The following CSMD1 variants were observed in gnomAD, a reference collection of about 807,000 sequenced individuals.
CSMD1 encodes the protein CUB and Sushi multiple domains 1, also known as CUB and sushi domain-containing protein 1.
In CSMD1, 213 loss-of-function variants were observed where a neutral mutation model predicts 417.5. That is an observed-to-expected ratio of 0.51 (90% CI 0.46 to 0.57). The LOEUF (loss-of-function observed/expected upper bound fraction) is 0.57, where lower values mean the gene tolerates loss of function less well. CSMD1 is among the 20% of genes least tolerant of loss of function. The probability of loss-of-function intolerance (pLI) is 0.00; values close to 1 mark genes in which losing one functional copy is unlikely to be tolerated. For missense variants in CSMD1, 6,923 were observed against 4,529.7 expected (o/e 1.53, Z -15.17); for synonymous variants, 2,862 against 1,736.8 (o/e 1.65, Z -16.11).
At chr8:3,629,824 G>A (rs557615053) in intron 7 of CSMD1, among the ~76,000 whole-genome samples, 18 of 152,274 alleles carry the variant, frequency 1.2e-4, no homozygotes, top group African/African-American at 2.4e-4. Flanking sequence ...ACTTCGGTCC[G>A]TCAGAAACAC....
At chr8:4,522,272 T>A (rs1394375405) in intron 2 of CSMD1, among the ~76,000 whole-genome samples, 1 of 152,178 alleles carries the variant, frequency 6.6e-6, no homozygotes, top group Non-Finnish European at 1.5e-5. Context: ...CGTGACTTGC[T>A]CCTCCTTGCC....
chr8:3,884,765 A>G (rs995463156), intron 5 of CSMD1, among the ~76,000 whole-genome samples: 2 of 152,036 alleles, frequency 1.3e-5, no homozygotes, highest in Admixed American at 6.6e-5. Context: ...AATGATTCTA[A>G]TCCCAATAGT....
intron 10 of CSMD1, among the ~76,000 whole-genome samples, chr8:3,568,080 A>G (rs1038057274): frequency 2.0e-5 from 3 of 152,198 alleles, no homozygotes; most frequent in African/African-American, 7.2e-5. Flanking sequence ...TAATATGTTT[A>G]AAAATAATTT....
chr8:3,131,304 T>G (rs1171658409), intron 41 of CSMD1, among the ~76,000 whole-genome samples: 1 of 151,108 alleles, frequency 6.6e-6, no homozygotes, highest in African/African-American at 2.4e-5. Context: ...GTAACTAACC[T>G]ACACAATGTG....
intron 5 of CSMD1, among the ~76,000 whole-genome samples, chr8:3,918,087 C>T (rs1353849023): frequency 6.6e-6 from 1 of 152,034 alleles, no homozygotes; most frequent in East Asian, 1.9e-4. Flanking sequence ...TCTTCCTCCA[C>T]TCATTGATCA....
At chr8:4,287,536 A>G (rs1797126062) in intron 3 of CSMD1, among the ~76,000 whole-genome samples, 1 of 152,116 alleles carries the variant, frequency 6.6e-6, no homozygotes, top group Non-Finnish European at 1.5e-5. Flanking sequence ...GCTTCCCATT[A>G]TCGTTATAGA....
At chr8:4,491,055 G>T (rs1340397854) in intron 2 of CSMD1, among the ~76,000 whole-genome samples, 1 of 152,046 alleles carries the variant, frequency 6.6e-6, no homozygotes, top group African/African-American at 2.4e-5. Flanking sequence ...GTGGTGAGGC[G>T]GTCGCCTGCC....
At chr8:4,383,299 T>C (rs1230964231) in intron 3 of CSMD1, among the ~76,000 whole-genome samples, 3 of 152,178 alleles carry the variant, frequency 2.0e-5, no homozygotes, top group African/African-American at 7.2e-5. Flanking sequence ...ATAAGAATGT[T>C]AGGCGGTGGG....
intron 3 of CSMD1, among the ~76,000 whole-genome samples, chr8:4,240,418 C>T (rs1271638640): frequency 6.6e-6 from 1 of 152,182 alleles, no homozygotes; most frequent in Non-Finnish European, 1.5e-5. Flanking sequence ...TGCTCTGATC[C>T]CTGTAGACTT....
At chr8:4,054,133 T>C (rs183358611) in intron 3 of CSMD1, among the ~76,000 whole-genome samples, 35 of 152,276 alleles carry the variant, frequency 2.3e-4, no homozygotes, top group Middle Eastern at 3.4e-3. Flanking sequence ...TCTCCACTTT[T>C]TTCTATGTAA....
intron 3 of CSMD1, among the ~76,000 whole-genome samples, chr8:4,098,510 C>A (rs1453400353): frequency 6.6e-6 from 1 of 152,050 alleles, no homozygotes; most frequent in East Asian, 1.9e-4. Context: ...AGGCCAGTTA[C>A]CCAGCTGCGA....
intron 2 of CSMD1, among the ~76,000 whole-genome samples, chr8:4,592,173 C>G (rs1001904985): frequency 3.3e-5 from 5 of 151,418 alleles, no homozygotes; most frequent in African/African-American, 9.7e-5. Flanking sequence ...ATAAATAATA[C>G]TCTCAGGGTA....
At chr8:3,515,591 C>T (rs1275240776) in intron 10 of CSMD1, among the ~76,000 whole-genome samples, 1 of 152,194 alleles carries the variant, frequency 6.6e-6, no homozygotes, top group Non-Finnish European at 1.5e-5. Flanking sequence ...TAGAATGTTT[C>T]CAACAGAAAA....
At chr8:3,331,027 G>A (rs1563279662) in intron 23 of CSMD1, among the ~76,000 whole-genome samples, 1 of 152,004 alleles carries the variant, frequency 6.6e-6, no homozygotes, top group Non-Finnish European at 1.5e-5. Context: ...GAGGCGGGCG[G>A]ATCACCAGGT....
rs921170311 is a variant in CSMD1, at chr8:3,830,288, T to C, written c.819-76246A>G. Among the ~76,000 whole-genome samples, 4 of 152,212 alleles carry C rather than the reference T, an allele frequency of 2.6e-5. No individual in the cohort carries two copies. In the East Asian group the frequency reaches 7.7e-4, roughly 29 times the overall value. ...ACAGTTAGTCACATTACAGAGCATC[T>C]GGCTCTGGGGCAAACTAAGCGTCAG... On this transcript the variant is annotated intron_variant, in intron 5 of 69. Transcript: ENST00000635120.
intron 1 of CSMD1, among the ~76,000 whole-genome samples, chr8:4,988,618 G>C (rs146196601): frequency 1.1e-3 from 168 of 152,308 alleles, no homozygotes; most frequent in African/African-American, 3.4e-3. Flanking sequence ...GGATGAGACA[G>C]GGTGCCTAAT....
chr8:4,631,915 G>C (rs953486800), intron 2 of CSMD1, among the ~76,000 whole-genome samples: 11 of 152,042 alleles, frequency 7.2e-5, no homozygotes, highest in African/African-American at 2.7e-4. Flanking sequence ...TTTCTATATT[G>C]AGTGGTAAAA....
intron 25 of CSMD1, among the ~76,000 whole-genome samples, chr8:3,293,081 T>C (rs561693309): frequency 2.0e-5 from 3 of 152,280 alleles, no homozygotes; most frequent in Admixed American, 1.3e-4. Context: ...CTCCTTCACT[T>C]ATGAAGCTTA....
chr8:3,493,791 T>G, intron 10 of CSMD1, 65 bp from the exon 11 acceptor site: 1 of 1,347,702 alleles, frequency 7.4e-7, no homozygotes. Context: ...TTAATAGGTA[T>G]TGCAAATATC....
Sources: allele counts gnomAD v4.1 joint callset (sites outside exome capture counted in the v4.1 genomes callset), GRCh38; gene constraint gnomAD v4.1.1; transcripts MANE v1.5; gene names NCBI Gene and HGNC (gene_info 2026-07-23, HGNC 2026-07-21).